CNIH1: variants seen among roughly 807,000 people sequenced by gnomAD.
The protein encoded by CNIH1 is protein cornichon homolog 1.
Under a neutral mutation model 20.2 loss-of-function variants are expected in CNIH1, and 12 were observed. The observed-to-expected ratio is 0.59, with a 90% CI of 0.38 to 0.96. The LOEUF is 0.96. Ranked by LOEUF, CNIH1 falls within the 40% of genes least tolerant of loss-of-function variation. CNIH1 has a pLI of 0.00. For missense variants in CNIH1, 152 were observed against 178.8 expected, an observed-to-expected ratio of 0.85 and a Z score of 0.85; for synonymous variants, 69 against 63.3, an observed-to-expected ratio of 1.09 and a Z score of -0.43.
rs1389344914 is a variant in CNIH1 at position 54,441,332 on chromosome 14, G to A, written c.-5C>T. 5 of 1,501,372 alleles carry A rather than the reference G, an allele frequency of 3.3e-6. No homozygotes were observed. Among genetic ancestry groups the A allele is most frequent in the Non-Finnish European group, 4.5e-6 (5 of 1,118,404 alleles). The allele number at this position is 1,501,372 out of a possible 1,614,324, so 93.0% of individuals were successfully genotyped here. ...GGCCGCGAACGTGAACGCCATGGCT[G>A]GGGAGGAGGAGCGGGGAGCGGCGCC... On this transcript the variant is annotated 5_prime_UTR_variant, in exon 1 of 5. Coordinates refer to ENST00000216416, the MANE Select transcript of CNIH1 (RefSeq NM_005776.3).
chr14:54,426,682 A>C lies in CNIH1; in HGVS notation c.*1132T>G, dbSNP rs2030833777. Reference sequence around the variant, plus strand: ...AGTAAAATATTTTAAGTGCCACCATAATTTTTCTTAATTGGTAAGAGAAAT... The same window carrying C: ...AGTAAAATATTTTAAGTGCCACCATCATTTTTCTTAATTGGTAAGAGAAAT... On this transcript the variant is annotated 3_prime_UTR_variant, in exon 5 of 5. Coordinates refer to ENST00000216416, the MANE Select transcript of CNIH1 (RefSeq NM_005776.3). The C allele has an allele frequency of 6.6e-6, 1 of 152,174 alleles. No individual in the cohort carries two copies. Among genetic ancestry groups the C allele is most frequent in the Non-Finnish European group, 1.5e-5 (1 of 68,010 alleles). The allele number at this position is 152,174 out of a possible 1,614,324, so 9.4% of individuals were successfully genotyped here.
At chr14:54,441,143 G>A (rs1483376357) in intron 1 of CNIH1, 104 bp downstream of exon 1, 1 of 1,140,910 alleles carries the variant, frequency 8.8e-7, no homozygotes, top group Non-Finnish European at 1.1e-6. Flanking sequence ...CCGCATCCCC[G>A]ACGCGCAAAG....
In CNIH1 at chr14:54,441,347, G is replaced by GGAGCGGC; in HGVS notation, c.-27_-21dup. On this transcript the variant is annotated 5_prime_UTR_variant, in exon 1 of 5. Transcript: ENST00000216416. The stretch of plus-strand genomic sequence containing the variant: ...CGCCATGGCTGGGGAGGAGGAGCGG[G>GGAGCGGC]GAGCGGCGCCGTTGCCAGCGGAGAA... 1 of 1,486,638 alleles carries GGAGCGGC rather than the reference G, an allele frequency of 6.7e-7. No homozygotes were observed. The highest frequency in any genetic ancestry group is 9.0e-7 in the Non-Finnish European group (1 of 1,109,014). 92.1% of individuals were successfully genotyped at this position (1,486,638 alleles called of 1,614,324 possible). A position where few individuals can be genotyped will look rare whatever the true frequency, so the allele number is the denominator to read the frequency against.
At chr14:54,432,963 G>A (rs1256578464) in intron 2 of CNIH1, among the ~76,000 whole-genome samples, 1 of 152,114 alleles carries the variant, frequency 6.6e-6, no homozygotes, top group Non-Finnish European at 1.5e-5. Flanking sequence ...CACAACAGAA[G>A]ACCAGTAGAA....
intron 4 of CNIH1, 61 bp from the exon 5 acceptor site, chr14:54,427,902 G>C (rs2030858760): frequency 2.0e-6 from 3 of 1,510,294 alleles, no homozygotes; most frequent in East Asian, 2.3e-5. Flanking sequence ...AAAACTCAGA[G>C]CATGAGAGAG....
Position 54,439,801 on chromosome 14 carries a change from C to A in CNIH1, c.81+1446G>T, listed in dbSNP as rs552645934. ...TCCTGACCTCGTGATCCTCCCGCCT[C>A]GGCCTCCCAAAGTGCTGGGATTACA... On this transcript the variant is annotated intron_variant, in intron 1 of 4. Transcript: ENST00000216416. Among the ~76,000 whole-genome samples, 4 of 152,204 alleles carry A rather than the reference C, an allele frequency of 2.6e-5. No homozygotes were observed. The South Asian group carries it at 6.2e-4, about 24-fold the overall frequency.
chr14:54,437,606 T>C, intron 1 of CNIH1, among the ~76,000 whole-genome samples: 1 of 151,694 alleles, frequency 6.6e-6, no homozygotes. Context: ...TATAAAATAG[T>C]GCCTGGCACA....
rs976041711 is a variant in CNIH1 at position 54,436,100 on chromosome 14, T to C, written c.150+269A>G. On this transcript the variant is annotated intron_variant, in intron 2 of 4. Coordinates refer to ENST00000216416, the MANE Select transcript of CNIH1 (RefSeq NM_005776.3). ...ACACCTTTAATGCAATTTTGACTCT[T>C]TTAATCTTTTTGACCTTTTCAACTG... The C allele has an allele frequency of 4.3e-6, 3 of 702,356 alleles. No homozygotes were observed. The African/African-American group carries it at 5.2e-5, about 12-fold the overall frequency. 43.5% of individuals were successfully genotyped at this position (702,356 alleles called of 1,614,324 possible). A position where few individuals can be genotyped will look rare whatever the true frequency, so the allele number is the denominator to read the frequency against.
rs1410986299 is a variant in CNIH1 at position 54,427,622 on chromosome 14, C to CT, written c.*191dup. 1.7e-6 allele frequency: 1 copy of CT among 577,130 alleles called. No individual in the cohort carries two copies. The highest frequency in any genetic ancestry group is 3.1e-6 in the Non-Finnish European group (1 of 326,826). The allele number at this position is 577,130 out of a possible 1,614,324, so 35.8% of individuals were successfully genotyped here. ...ACGTAATACCATTTAAAATCTTTAT[C>CT]TGAGTATAACATATGAAAACAGTCT... On this transcript the variant is annotated 3_prime_UTR_variant, in exon 5 of 5. Transcript: ENST00000216416.
At chr14:54,436,546 C>T in intron 1 of CNIH1, 109 bp from the exon 2 acceptor site, 2 of 652,040 alleles carry the variant, frequency 3.1e-6, no homozygotes, top group Non-Finnish European at 5.5e-6. Flanking sequence ...AACAAAAGTA[C>T]ACCAAGATCC....
At chr14:54,429,939 C>G (rs542245510) in intron 4 of CNIH1, among the ~76,000 whole-genome samples, 93 of 152,300 alleles carry the variant, frequency 6.1e-4, no homozygotes, top group African/African-American at 2.2e-3. Context: ...GAAATTTCTG[C>G]AAACTCACAC....
rs1372170899 is a variant in CNIH1, at chr14:54,427,145, CAAGT to C, written c.*665_*668del. On this transcript the variant is annotated 3_prime_UTR_variant, in exon 5 of 5. Coordinates refer to ENST00000216416, the MANE Select transcript of CNIH1 (RefSeq NM_005776.3). ...AAAATAGCTTTAAATGCATTCTTCACAAGTAATTCAGCATATATTTTTATATCAT... is the reference window on the plus strand; with the variant it reads ...AAAATAGCTTTAAATGCATTCTTCACAATTCAGCATATATTTTTATATCAT... 2 of 152,148 alleles carry C rather than the reference CAAGT, an allele frequency of 1.3e-5. No homozygotes were observed. The highest frequency in any genetic ancestry group is 2.4e-5 in the African/African-American group (1 of 41,426). 9.4% of individuals were successfully genotyped at this position (152,148 alleles called of 1,614,324 possible). A position where few individuals can be genotyped will look rare whatever the true frequency, so the allele number is the denominator to read the frequency against.
At chr14:54,436,171 G>A (rs1287265019) in intron 2 of CNIH1, 198 bp downstream of exon 2, 7 of 705,414 alleles carry the variant, frequency 9.9e-6, no homozygotes, top group Non-Finnish European at 1.8e-5. Context: ...ATGTTAGTAT[G>A]ACAGCTGACA....
Position 54,424,683 on chromosome 14 carries a change from T to G in CNIH1, c.*3131A>C, listed in dbSNP as rs1209135215. ...TGACATAGCTTCAAAATATATTGATTTGGGGAGCAGAGAAGAGCTCTATGA... is the reference window on the plus strand; with the variant it reads ...TGACATAGCTTCAAAATATATTGATGTGGGGAGCAGAGAAGAGCTCTATGA... On this transcript the variant is annotated 3_prime_UTR_variant, in exon 5 of 5. Coordinates refer to ENST00000216416, the MANE Select transcript of CNIH1 (RefSeq NM_005776.3). 1 of 152,194 alleles carries G rather than the reference T, an allele frequency of 6.6e-6. No individual in the cohort carries two copies. The highest frequency in any genetic ancestry group is 2.4e-5 in the African/African-American group (1 of 41,444). 9.4% of individuals were successfully genotyped at this position (152,194 alleles called of 1,614,324 possible).
chr14:54,440,837 C>G (rs1401683813), intron 1 of CNIH1, among the ~76,000 whole-genome samples: 1 of 152,214 alleles, frequency 6.6e-6, no homozygotes, highest in African/African-American at 2.4e-5. Context: ...AAAAGAAAGT[C>G]AATCTGTATT....
Position 54,441,302 on chromosome 14 carries a change from C to T in CNIH1, c.26G>A (p.Cys9Tyr). The change falls in exon 1 of 5, where the codon TGC becomes TAC. Residue 9 changes from cysteine (C) to tyrosine (Y), a missense_variant. By Grantham distance (194) the Cys-to-Tyr change is radical. Coordinates refer to ENST00000216416, the MANE Select transcript of CNIH1 (RefSeq NM_005776.3). MAFTFAAF[C>Y]YMLALLLTAA... ...AGTGAGCAGCAGCGCCAGCATGTAGCAGAAGGCCGCGAACGTGAACGCCAT... is the reference window on the plus strand; with the variant it reads ...AGTGAGCAGCAGCGCCAGCATGTAGTAGAAGGCCGCGAACGTGAACGCCAT... The T allele has an allele frequency of 6.6e-7, 1 of 1,518,370 alleles. No individual in the cohort carries two copies. The highest frequency in any genetic ancestry group is 2.7e-5 in the East Asian group (1 of 37,330). 94.1% of individuals were successfully genotyped at this position (1,518,370 alleles called of 1,614,324 possible).
chr14:54,432,327 T>C (rs952328459), intron 2 of CNIH1, 107 bp from the exon 3 acceptor site: 2 of 533,208 alleles, frequency 3.8e-6, no homozygotes, highest in African/African-American at 2.0e-5. Flanking sequence ...ATCACTGTTT[T>C]CTTAGACTCA....
At chr14:54,432,533 T>C (rs909660683) in intron 2 of CNIH1, among the ~76,000 whole-genome samples, 2 of 152,118 alleles carry the variant, frequency 1.3e-5, no homozygotes, top group African/African-American at 4.8e-5. Context: ...AATATGCTAG[T>C]CAACTAGAAT....
intron 4 of CNIH1, among the ~76,000 whole-genome samples, chr14:54,428,992 C>T (rs780838740): frequency 1.3e-5 from 2 of 150,618 alleles, no homozygotes; most frequent in Admixed American, 6.6e-5. Context: ...GAAGCTTATG[C>T]TGTTTTTTAA....
Sources: allele counts gnomAD v4.1 joint callset (sites outside exome capture counted in the v4.1 genomes callset), GRCh38; gene constraint gnomAD v4.1.1; transcripts MANE v1.5; gene names NCBI Gene and HGNC (gene_info 2026-07-23, HGNC 2026-07-21).